The following KANSL1L variants were observed in gnomAD, a reference collection of about 807,000 sequenced individuals.
The protein encoded by KANSL1L is KAT8 regulatory NSL complex subunit 1-like protein.
KANSL1L carries 25 observed loss-of-function variants against 108.6 expected under a neutral mutation model. That is an observed-to-expected ratio of 0.23 (90% CI 0.17 to 0.32). The LOEUF (loss-of-function observed/expected upper bound fraction) is 0.32. Among genes scored for constraint, KANSL1L ranks in the 10% least tolerant of loss-of-function variants. KANSL1L has a pLI of 1.00. For synonymous variants in KANSL1L, 405 were observed against 395.1 expected (o/e 1.03, Z -0.30); for missense variants, 1,137 against 1,125.7 (o/e 1.01, Z -0.14).
At chr2:210,071,194 C>G (rs2094505309) in intron 6 of KANSL1L, among the ~76,000 whole-genome samples, 1 of 152,048 alleles carries the variant, frequency 6.6e-6, no homozygotes, top group Non-Finnish European at 1.5e-5. Context: ...ATTCTGACCT[C>G]AACTTTCATG....
At chr2:210,147,077 C>T (rs1559601600) in intron 2 of KANSL1L, among the ~76,000 whole-genome samples, 1 of 152,020 alleles carries the variant, frequency 6.6e-6, no homozygotes, top group Non-Finnish European at 1.5e-5. Flanking sequence ...TTAAACATCA[C>T]GTTGCTCAAA....
chr2:210,041,037 C>T (rs1205827133), intron 7 of KANSL1L, among the ~76,000 whole-genome samples: 1 of 152,122 alleles, frequency 6.6e-6, no homozygotes, highest in Admixed American at 6.5e-5. Flanking sequence ...ATGAAAACAT[C>T]AAAGTTCACA....
At chr2:210,066,844 G>A (rs190744982) in intron 6 of KANSL1L, among the ~76,000 whole-genome samples, 1 of 152,200 alleles carries the variant, frequency 6.6e-6, no homozygotes, top group African/African-American at 2.4e-5. Context: ...TATGAGCCCT[G>A]TGATGGTTAA....
chr2:210,081,815 T>TTTTTTTTTTTTTTTTTTTTTTTTTG, intron 5 of KANSL1L, among the ~76,000 whole-genome samples: 2 of 152,232 alleles, frequency 1.3e-5, no homozygotes, highest in South Asian at 2.1e-4. Context: ...TTAAACATTT[T>TTTTTTTTTTTTTTTTTTTTTTTTTG]AGTCTAAGAG....
chr2:210,075,594 T>A lies in KANSL1L; in HGVS notation c.1713A>T (p.Arg571=), dbSNP rs766398969. The change falls in exon 6 of 15, where the codon CGA becomes CGT. Residue 571 remains arginine, a synonymous_variant. Coordinates refer to ENST00000281772, the MANE Select transcript of KANSL1L (RefSeq NM_152519.4). ...AAGTAGGGCTCAATCTGTACAGTTT[T>A]CGTTTGTGGAAACTCTGAAGTGGCC... ...RTRPLQSFHK[R]KLYRLSPTFY... is the part of the protein sequence containing the mutation. 6.2e-7 allele frequency: 1 copy of A among 1,614,180 alleles called. No homozygotes were observed. Among genetic ancestry groups the A allele is most frequent in the Non-Finnish European group, 8.5e-7 (1 of 1,180,016 alleles).
intron 5 of KANSL1L, among the ~76,000 whole-genome samples, chr2:210,084,676 C>T (rs1487457822): frequency 2.0e-5 from 3 of 151,898 alleles, no homozygotes; most frequent in Non-Finnish European, 4.4e-5. Flanking sequence ...TGCATTGGCA[C>T]GATCTCGGCT....
At position 210,131,389 on chromosome 2, in the gene KANSL1L, C is replaced by T. The variant is rs1050025423; in HGVS notation, c.1089-2217G>A. 5.3e-5 allele frequency among the ~76,000 whole-genome samples: 8 copies of T among 152,194 alleles called. No homozygotes were observed. The South Asian group carries it at 6.2e-4, about 12-fold the overall frequency. On this transcript the variant is annotated intron_variant, in intron 2 of 14. Coordinates refer to ENST00000281772, the MANE Select transcript of KANSL1L (RefSeq NM_152519.4). The stretch of plus-strand genomic sequence containing the variant: ...TGCAGAAGTATGGCATAGAAGTGAG[C>T]TTAGGGCAATCAAAGATGATCTTAA...
intron 2 of KANSL1L, among the ~76,000 whole-genome samples, chr2:210,139,857 T>C (rs2095212429): frequency 6.8e-6 from 1 of 147,550 alleles, no homozygotes; most frequent in Non-Finnish European, 1.5e-5. Flanking sequence ...TCTTCCCATC[T>C]CAGTCTCCTG....
chr2:210,139,742 CTTTTTTTT>C (rs200971902), intron 2 of KANSL1L, among the ~76,000 whole-genome samples: 1 of 134,372 alleles, frequency 7.4e-6, no homozygotes, highest in African/African-American at 2.7e-5. Flanking sequence ...TGCCCATTTC[CTTTTTTTT>C]TTTTTTTTTG....
chr2:210,083,542 C>T (rs576230524), intron 5 of KANSL1L, among the ~76,000 whole-genome samples: 4 of 152,060 alleles, frequency 2.6e-5, no homozygotes, highest in African/African-American at 7.2e-5. Context: ...CTGGGAGATA[C>T]GAATGCATCA....
rs765256545 is a variant in KANSL1L, at chr2:210,154,309, G to T, written c.274C>A (p.His92Asn). Reference protein sequence around the residue: ...LMRSNSTLNKHNENYKQKKLG... With the variant: ...LMRSNSTLNKNNENYKQKKLG... ...TTCTTTTGTTTATAATTCTCATTGT[G>T]TTTATTTAATGTAGAATTAGATCTC... Residue 92 changes from histidine (H) to asparagine (N), a missense_variant, in exon 2 of 15, where the codon CAC becomes AAC. Transcript: ENST00000281772. 1 of 1,612,404 alleles carries T rather than the reference G, an allele frequency of 6.2e-7. No individual in the cohort carries two copies. The highest frequency in any genetic ancestry group is 1.1e-5 in the South Asian group (1 of 90,890).
At chr2:210,115,715 G>A (rs1427348647) in intron 3 of KANSL1L, among the ~76,000 whole-genome samples, 1 of 152,160 alleles carries the variant, frequency 6.6e-6, no homozygotes, top group African/African-American at 2.4e-5. Flanking sequence ...CAATCCATGA[G>A]TTAGCATGAA....
At chr2:210,136,978 C>A (rs1055952993) in intron 2 of KANSL1L, among the ~76,000 whole-genome samples, 1 of 152,074 alleles carries the variant, frequency 6.6e-6, no homozygotes, top group Non-Finnish European at 1.5e-5. Flanking sequence ...ACTTTTAAAT[C>A]TGAGCCCTAA....
At chr2:210,137,078 T>C (rs1459151481) in intron 2 of KANSL1L, among the ~76,000 whole-genome samples, 1 of 152,210 alleles carries the variant, frequency 6.6e-6, no homozygotes, top group Non-Finnish European at 1.5e-5. Context: ...CTTCATATCC[T>C]GGGTCTCTTC....
intron 2 of KANSL1L, among the ~76,000 whole-genome samples, chr2:210,144,352 C>G (rs2095251062): frequency 6.6e-6 from 1 of 152,180 alleles, no homozygotes. Context: ...ATGTGACTAT[C>G]TCTCCCCAGA....
chr2:210,131,897 A>G (rs961374208), intron 2 of KANSL1L, among the ~76,000 whole-genome samples: 2 of 151,942 alleles, frequency 1.3e-5, no homozygotes, highest in African/African-American at 2.4e-5. Context: ...GGGTTTCACT[A>G]CGTTGGCTAA....
chr2:210,096,517 A>C (rs2094737377), intron 5 of KANSL1L: 3 of 984,026 alleles, frequency 3.0e-6, no homozygotes, highest in Admixed American at 6.1e-5. Flanking sequence ...CAAACACATG[A>C]ACACACACAT....
chr2:210,106,657 T>C (rs1387316973), intron 3 of KANSL1L, among the ~76,000 whole-genome samples: 1 of 151,174 alleles, frequency 6.6e-6, no homozygotes, highest in Non-Finnish European at 1.5e-5. Flanking sequence ...TGGTCCCAGA[T>C]ACTTGGGAGG....
rs761934507 is a variant in KANSL1L, at chr2:210,022,913, T to C, written c.*36A>G. 1.4e-6 allele frequency: 2 copies of C among 1,429,728 alleles called. No homozygotes were observed. Among genetic ancestry groups the C allele is most frequent in the African/African-American group, 1.4e-5 (1 of 70,908 alleles). 88.6% of individuals were successfully genotyped at this position (1,429,728 alleles called of 1,614,324 possible). On this transcript the variant is annotated 3_prime_UTR_variant, in exon 15 of 15. Transcript: ENST00000281772. ...ACAGGGCTTTATTTCCTCCCATCTTTCCTACATTTACATAGTTTTCTTAAC... is the reference window on the plus strand; with the variant it reads ...ACAGGGCTTTATTTCCTCCCATCTTCCCTACATTTACATAGTTTTCTTAAC...
Sources: gnomAD v4.1 joint callset for allele counts (sites outside exome capture counted in the v4.1 genomes callset) on GRCh38, gnomAD v4.1.1 for gene constraint, MANE v1.5 for transcripts, NCBI Gene and HGNC (gene_info 2026-07-23, HGNC 2026-07-21) for gene names.